Variants in MYO5B observed in about 807,000 individuals in gnomAD.
MYO5B encodes myosin VB, also known as unconventional myosin-Vb.
Under a neutral mutation model 229.3 loss-of-function variants are expected in MYO5B, and 143 were observed. The observed-to-expected ratio is 0.62, with a 90% CI of 0.54 to 0.72. MYO5B has a LOEUF of 0.72. MYO5B is among the 30% of genes least tolerant of loss of function. MYO5B has a pLI of 0.00. For missense variants in MYO5B, 2,321 were observed against 2,331.0 expected (o/e 1.00, Z 0.09); for synonymous variants, 918 against 885.2 (o/e 1.04, Z -0.66).
At chr18:49,860,445 T>C (rs1195811266) in intron 29 of MYO5B, among the ~76,000 whole-genome samples, 2 of 152,188 alleles carry the variant, frequency 1.3e-5, no homozygotes, top group African/African-American at 4.8e-5. Context: ...CTGGTGTCTC[T>C]TAGTTCCCAG....
intron 14 of MYO5B, among the ~76,000 whole-genome samples, chr18:49,940,904 C>G (rs1883292258): frequency 6.6e-6 from 1 of 152,210 alleles, no homozygotes; most frequent in South Asian, 2.1e-4. Context: ...TCTTCTACAT[C>G]AAGCATTTTA....
intron 1 of MYO5B, among the ~76,000 whole-genome samples, chr18:50,062,673 T>C (rs1348981982): frequency 1.3e-5 from 2 of 152,206 alleles, no homozygotes; most frequent in East Asian, 1.9e-4. Context: ...GGTACCGCTG[T>C]CTGAAGGAGT....
intron 22 of MYO5B, among the ~76,000 whole-genome samples, chr18:49,893,429 C>T (rs2024739078): frequency 6.6e-6 from 1 of 152,192 alleles, no homozygotes; most frequent in African/African-American, 2.4e-5. Flanking sequence ...GGTAGACAAA[C>T]CACAAGTGTG....
At chr18:50,148,533 T>C (rs143014473) in intron 1 of MYO5B, among the ~76,000 whole-genome samples, 4 of 152,158 alleles carry the variant, frequency 2.6e-5, no homozygotes, top group South Asian at 4.2e-4. Flanking sequence ...GTTCAATATA[T>C]GCAAATCAAT....
At chr18:49,842,809 AC>A (rs1395747821) in intron 34 of MYO5B, among the ~76,000 whole-genome samples, 2 of 151,778 alleles carry the variant, frequency 1.3e-5, no homozygotes, top group African/African-American at 2.4e-5. Flanking sequence ...TCCCTGTGTT[AC>A]CCCCCAGGGA....
chr18:49,943,694 AC>A (rs2025340960), intron 14 of MYO5B, among the ~76,000 whole-genome samples: 1 of 152,232 alleles, frequency 6.6e-6, no homozygotes, highest in African/African-American at 2.4e-5. Flanking sequence ...AACTGGTAAA[AC>A]AAAAGTGTTA....
intron 1 of MYO5B, among the ~76,000 whole-genome samples, chr18:50,081,679 T>G (rs2031224678): frequency 6.6e-6 from 1 of 152,146 alleles, no homozygotes; most frequent in Non-Finnish European, 1.5e-5. Context: ...GACAAAAGTA[T>G]TATTTCTGGG....
chr18:50,049,736 G>A (rs1296334286), intron 2 of MYO5B, among the ~76,000 whole-genome samples: 3 of 152,198 alleles, frequency 2.0e-5, no homozygotes, highest in Non-Finnish European at 4.4e-5. Flanking sequence ...ATTGCCAAAT[G>A]TTCGGGGCAG....
chr18:50,169,384 T>C lies in MYO5B; in HGVS notation c.27+25383A>G, dbSNP rs1433295025. Among the ~76,000 whole-genome samples, 2 of 127,286 alleles carry C rather than the reference T, an allele frequency of 1.6e-5. 1 individual carries two copies. The highest frequency in any genetic ancestry group is 5.5e-4 in the South Asian group (2 of 3,650). 83.5% of individuals were successfully genotyped at this position (127,286 alleles called of 152,430 possible). ...AGTCCCTCCTGAGGACCAGGTAACATGACAGGTAGAGAAACCTGGCATACA... is the reference window on the plus strand; with the variant it reads ...AGTCCCTCCTGAGGACCAGGTAACACGACAGGTAGAGAAACCTGGCATACA... On this transcript the variant is annotated intron_variant, in intron 1 of 39. Coordinates refer to ENST00000285039, the MANE Select transcript of MYO5B (RefSeq NM_001080467.3).
At chr18:50,079,911 G>A (rs2031178124) in intron 1 of MYO5B, among the ~76,000 whole-genome samples, 1 of 152,210 alleles carries the variant, frequency 6.6e-6, no homozygotes, top group African/African-American at 2.4e-5. Flanking sequence ...GCACAATGGT[G>A]CTGTTCAGTC....
intron 1 of MYO5B, among the ~76,000 whole-genome samples, chr18:50,162,867 C>T (rs2032789636): frequency 6.6e-6 from 1 of 152,200 alleles, no homozygotes; most frequent in Non-Finnish European, 1.5e-5. Flanking sequence ...GCCTCCCCAT[C>T]CCGTCCATTC....
At chr18:50,187,351 G>C (rs529286244) in intron 1 of MYO5B, among the ~76,000 whole-genome samples, 1 of 152,180 alleles carries the variant, frequency 6.6e-6, no homozygotes, top group East Asian at 1.9e-4. Flanking sequence ...AAAGTGATCC[G>C]TCAGTAACAG....
intron 1 of MYO5B, among the ~76,000 whole-genome samples, chr18:50,119,862 A>G (rs1408893502): frequency 1.3e-5 from 2 of 152,226 alleles, no homozygotes; most frequent in African/African-American, 4.8e-5. Flanking sequence ...TTGCTGTGAT[A>G]CCTTCTGAGA....
chr18:49,924,483 G>T (rs1019427444), intron 17 of MYO5B, among the ~76,000 whole-genome samples: 1 of 152,218 alleles, frequency 6.6e-6, no homozygotes, highest in Non-Finnish European at 1.5e-5. Context: ...CAAAGTCCAA[G>T]AATTCAACTA....
chr18:49,921,366 AG>A (rs2025073744), intron 17 of MYO5B, among the ~76,000 whole-genome samples: 1 of 151,590 alleles, frequency 6.6e-6, no homozygotes, highest in Non-Finnish European at 1.5e-5. Flanking sequence ...CAGGACACAA[AG>A]CTGCTGACTC....
At chr18:50,095,262 CATTT>C (rs2031528137) in intron 1 of MYO5B, among the ~76,000 whole-genome samples, 1 of 152,166 alleles carries the variant, frequency 6.6e-6, no homozygotes, top group Non-Finnish European at 1.5e-5. Context: ...CTGACAAAGC[CATTT>C]ATTTATCCTT....
chr18:49,979,490 C>A (rs529488668), intron 9 of MYO5B, among the ~76,000 whole-genome samples: 1 of 152,314 alleles, frequency 6.6e-6, no homozygotes, highest in Admixed American at 6.5e-5. Context: ...CTTCCTCTCC[C>A]TGAAGACAGG....
At chr18:50,165,066 G>A (rs1568130346) in intron 1 of MYO5B, among the ~76,000 whole-genome samples, 1 of 152,212 alleles carries the variant, frequency 6.6e-6, no homozygotes, top group South Asian at 2.1e-4. Context: ...CTGCAGCTGG[G>A]GGAAAATCAA....
chr18:49,886,930 C>T (rs966581813), intron 22 of MYO5B, among the ~76,000 whole-genome samples: 5 of 152,166 alleles, frequency 3.3e-5, no homozygotes, highest in African/African-American at 1.2e-4. Context: ...GATAGACTGA[C>T]TCATGGTAGT....
Sources: allele counts gnomAD v4.1 joint callset (sites outside exome capture counted in the v4.1 genomes callset), GRCh38; gene constraint gnomAD v4.1.1; transcripts MANE v1.5; gene names NCBI Gene and HGNC (gene_info 2026-07-23, HGNC 2026-07-21).